SUPT5H: variants seen among roughly 807,000 people sequenced by gnomAD.
SUPT5H encodes the protein SPT5 homolog, DSIF elongation factor subunit.
Under a neutral mutation model 142.5 loss-of-function variants are expected in SUPT5H, and 24 were observed. The observed-to-expected ratio is 0.17, with a 90% CI of 0.12 to 0.24. The LOEUF (loss-of-function observed/expected upper bound fraction) is 0.24. Ranked by LOEUF, SUPT5H falls within the 10% of genes least tolerant of loss-of-function variation. The pLI is 1.00. For missense variants in SUPT5H, 893 were observed against 1,471.8 expected, an observed-to-expected ratio of 0.61 and a Z score of 6.43; for synonymous variants, 546 against 553.0, an observed-to-expected ratio of 0.99 and a Z score of 0.18.
chr19:39,471,806 G>A, intron 20 of SUPT5H, 76 bp downstream of exon 20: 3 of 1,535,646 alleles, frequency 2.0e-6, no homozygotes, highest in Non-Finnish European at 2.6e-6. Context: ...CCCCAGAAGT[G>A]ATAAGATTGG....
intron 2 of SUPT5H, 51 bp from the exon 3 acceptor site, chr19:39,453,302 TGGA>T: frequency 6.5e-7 from 1 of 1,535,362 alleles, no homozygotes; most frequent in South Asian, 1.2e-5. Context: ...ACTTGGTTTT[TGGA>T]TTTTTGGGGT....
chr19:39,475,761 G>A (rs1008660430), intron 28 of SUPT5H: 3 of 330,282 alleles, frequency 9.1e-6, no homozygotes, highest in African/African-American at 6.4e-5. Flanking sequence ...ACCATGGGGC[G>A]GTCCCTGAGA....
At position 39,453,521 on chromosome 19, in the gene SUPT5H, G is replaced by A; in HGVS notation, c.241G>A (p.Asp81Asn). 2 of 1,539,418 alleles carry A rather than the reference G, an allele frequency of 1.3e-6. No homozygotes were observed. The highest frequency in any genetic ancestry group is 1.2e-5 in the South Asian group (1 of 82,714). ...RHGGFILDEA[D>N]VDDEYEDEDQ... ...TGGAGGCTTCATTCTGGACGAGGCT[G>A]GTATGTCATAGTGCTTGGCCAGTGC... The change falls in exon 3 of 30, where the codon GAT (aspartate) becomes AAT (asparagine). Residue 81 changes from aspartate to asparagine, a missense_variant and splice_region_variant. Transcript: ENST00000432763.
rs1346225227 is a variant in SUPT5H, at chr19:39,473,648, C to G, written c.2492+127C>G. The G allele has an allele frequency of 4.3e-6, 5 of 1,156,794 alleles. No individual in the cohort carries two copies. Among genetic ancestry groups the G allele is most frequent in the Non-Finnish European group, 6.0e-6 (5 of 832,402 alleles). 71.7% of individuals were successfully genotyped at this position (1,156,794 alleles called of 1,614,324 possible). A position where few individuals can be genotyped will look rare whatever the true frequency, so the allele number is the denominator to read the frequency against. ...TCTCTGCTCCTAGCCTCAGGCTGGT[C>G]CCTTTGAAGGAGGAGGCATAGCATG... On this transcript the variant is annotated intron_variant, in intron 25 of 29. Coordinates refer to ENST00000432763, the MANE Select transcript of SUPT5H (RefSeq NM_001111020.3). This position sits in a 1 kb window ranked among gnomAD's most constrained non-coding sequence, Gnocchi z 5.8.
Position 39,476,064 on chromosome 19 carries a change from C to G in SUPT5H, c.3025-17C>G. The G allele has an allele frequency of 6.2e-7, 1 of 1,612,116 alleles. No homozygotes were observed. The highest frequency in any genetic ancestry group is 1.1e-5 in the South Asian group (1 of 91,030). On this transcript the variant is annotated splice_polypyrimidine_tract_variant and intron_variant, in intron 28 of 29. Coordinates refer to ENST00000432763, the MANE Select transcript of SUPT5H (RefSeq NM_001111020.3). ...TTGGGAGCAGGACAGGCTGACCAGG[C>G]TGTCCCCATCCTCCAGGGGGGCATG...
Position 39,466,763 on chromosome 19 carries a change from C to A in SUPT5H, c.1037+18C>A, listed in dbSNP as rs778806046. On this transcript the variant is annotated intron_variant, in intron 13 of 29. Coordinates refer to ENST00000432763, the MANE Select transcript of SUPT5H (RefSeq NM_001111020.3). The surrounding 1 kb of genome is among the most constrained non-coding windows in gnomAD (Gnocchi z 4.3). The stretch of plus-strand genomic sequence containing the variant: ...AAGATCAGGTGCGTGTCCTTGGGGA[C>A]TGGCTGGGCTGGGTCCCCAGGGCCG... The A allele has an allele frequency of 1.4e-5, 23 of 1,613,738 alleles. No homozygotes were observed. In the Middle Eastern group the frequency reaches 4.9e-4, roughly 35 times the overall value.
Position 39,470,820 on chromosome 19 carries a change from A to G in SUPT5H, c.1677+297A>G, listed in dbSNP as rs1022849343. 6.6e-6 allele frequency among the ~76,000 whole-genome samples: 1 copy of G among 152,140 alleles called. No individual in the cohort carries two copies. The highest frequency in any genetic ancestry group is 1.5e-5 in the Non-Finnish European group (1 of 68,024). On this transcript the variant is annotated intron_variant, in intron 18 of 29. Coordinates refer to ENST00000432763, the MANE Select transcript of SUPT5H (RefSeq NM_001111020.3). The surrounding 1 kb of genome is among the most constrained non-coding windows in gnomAD (Gnocchi z 5.8). ...GTTGCTCGCTCAAGGATGGAGTGCCACATGTGCCCTCCTGCCTTTGCTCCT... is the reference window on the plus strand; with the variant it reads ...GTTGCTCGCTCAAGGATGGAGTGCCGCATGTGCCCTCCTGCCTTTGCTCCT...
intron 3 of SUPT5H, among the ~76,000 whole-genome samples, chr19:39,456,415 TGTTG>T (rs2079091041): frequency 2.0e-5 from 3 of 148,636 alleles, no homozygotes; most frequent in African/African-American, 7.5e-5. Flanking sequence ...TTTTTGTTGT[TGTTG>T]TTGTTGTTGT....
chr19:39,463,872 G>A (rs764812654), intron 10 of SUPT5H, among the ~76,000 whole-genome samples: 2 of 152,112 alleles, frequency 1.3e-5, no homozygotes, highest in African/African-American at 2.4e-5. Flanking sequence ...CTTCCTGATG[G>A]ATTGACCTTT....
At chr19:39,475,481 G>A (rs2079392214) in intron 28 of SUPT5H, among the ~76,000 whole-genome samples, 1 of 152,068 alleles carries the variant, frequency 6.6e-6, no homozygotes, top group East Asian at 1.9e-4. Flanking sequence ...CTGTCCAGAG[G>A]GCGCCGGAGA....
chr19:39,461,102 C>T (rs1432938018), intron 10 of SUPT5H, among the ~76,000 whole-genome samples: 4 of 151,992 alleles, frequency 2.6e-5, no homozygotes, highest in Admixed American at 2.6e-4. Context: ...CCAGCCTGGC[C>T]AACATGGTGA....
intron 3 of SUPT5H, among the ~76,000 whole-genome samples, chr19:39,454,719 A>G (rs956287377): frequency 2.0e-5 from 3 of 152,202 alleles, no homozygotes; most frequent in Non-Finnish European, 4.4e-5. Context: ...TCATACTTCC[A>G]TGATGATAAT....
chr19:39,448,840 G>A (rs905412274), intron 2 of SUPT5H, among the ~76,000 whole-genome samples: 7 of 151,974 alleles, frequency 4.6e-5, no homozygotes, highest in African/African-American at 1.7e-4. Flanking sequence ...TCACGCCTGT[G>A]ATCCCAGCAC....
chr19:39,446,297 A>G (rs1375551628), intron 2 of SUPT5H, among the ~76,000 whole-genome samples: 2 of 152,084 alleles, frequency 1.3e-5, no homozygotes, highest in Non-Finnish European at 2.9e-5. Context: ...ACCAGGCGCA[A>G]TTCTTTGCTC....
At chr19:39,450,767 C>G (rs113820700) in intron 2 of SUPT5H, among the ~76,000 whole-genome samples, 3,188 of 152,172 alleles carry the variant, frequency 0.021, 61 homozygotes, top group African/African-American at 0.047. Flanking sequence ...GAGAATATTT[C>G]CTTTTCAGTT....
At chr19:39,456,072 G>C (rs1242679968) in intron 3 of SUPT5H, among the ~76,000 whole-genome samples, 1 of 144,438 alleles carries the variant, frequency 6.9e-6, no homozygotes, top group African/African-American at 2.6e-5. Flanking sequence ...GATTATAGGC[G>C]TGTGCCACTA....
rs373628365 is a variant in SUPT5H at position 39,464,842 on chromosome 19, C to A, written c.669C>A (p.Gly223=). ...KSVVAPEHVK[G]YIYVEAYKQT... The stretch of plus-strand genomic sequence containing the variant: ...TAGTGGCACCAGAGCATGTGAAGGG[C>A]TACATCTACGTGGAGGCCTACAAGC... The change falls in exon 11 of 30, where the codon GGC becomes GGA. Residue 223 remains glycine (G), a synonymous_variant. Transcript: ENST00000432763. 6.2e-7 allele frequency: 1 copy of A among 1,614,008 alleles called. No individual in the cohort carries two copies. The highest frequency in any genetic ancestry group is 8.5e-7 in the Non-Finnish European group (1 of 1,179,904).
At chr19:39,468,539 A>G in intron 13 of SUPT5H, 1 of 580,934 alleles carries the variant, frequency 1.7e-6, no homozygotes, top group South Asian at 2.0e-5. Flanking sequence ...CGGTGCTCAA[A>G]GATAAATCAG....
intron 2 of SUPT5H, among the ~76,000 whole-genome samples, chr19:39,446,240 A>G (rs1216307943): frequency 6.6e-6 from 1 of 150,840 alleles, no homozygotes; most frequent in African/African-American, 2.4e-5. Context: ...TTTTTTTTTT[A>G]GTTATGTCTA....
Sources: allele counts gnomAD v4.1 joint callset (sites outside exome capture counted in the v4.1 genomes callset), GRCh38; gene constraint gnomAD v4.1.1; non-coding constraint Gnocchi (gnomAD v3.1); transcripts MANE v1.5; gene names NCBI Gene and HGNC (gene_info 2026-07-23, HGNC 2026-07-21).